The following CCDC181 variants were observed in gnomAD, a reference collection of about 807,000 sequenced individuals.
The protein encoded by CCDC181 is coiled-coil domain-containing protein 181.
In CCDC181, 35 loss-of-function variants were observed where a neutral mutation model predicts 58.7. That is an observed-to-expected ratio of 0.60 (90% CI 0.46 to 0.79). The LOEUF is 0.79. CCDC181 is among the 30% of genes least tolerant of loss of function. CCDC181 has a pLI of 0.00. For missense variants in CCDC181, 517 were observed against 583.9 expected (o/e 0.89, Z 1.18); for synonymous variants, 183 against 197.5 (o/e 0.93, Z 0.62).
upstream of CCDC181, among the ~76,000 whole-genome samples, chr1:169,429,173 A>G (rs542572439): frequency 4.0e-4 from 61 of 152,296 alleles, no homozygotes; most frequent in South Asian, 0.011. Context: ...CATGGTATGT[A>G]TATGTACCAC....
intron 3 of CCDC181, among the ~76,000 whole-genome samples, chr1:169,420,910 A>G (rs564701674): frequency 1.3e-5 from 2 of 152,354 alleles, no homozygotes; most frequent in South Asian, 4.1e-4. Flanking sequence ...CCTGGAAATA[A>G]AAGAATTGTA....
intron 4 of CCDC181, among the ~76,000 whole-genome samples, chr1:169,407,259 A>C (rs1193363126): frequency 6.6e-6 from 1 of 152,184 alleles, no homozygotes; most frequent in African/African-American, 2.4e-5. Context: ...TATTATATAC[A>C]CCAGAACAAT....
rs1191238021 is a variant in CCDC181 at position 169,397,327 on chromosome 1, A to T, written c.1280T>A (p.Met427Lys). ...LWLKKKHEEQ[M>K]KERQTEELRK... The stretch of plus-strand genomic sequence containing the variant: ...TAGTTCTTCTGTCTGTCTTTCTTTC[A>T]TCTGCTCTTCGTGCTTTTTTTTAAG... The change falls in exon 5 of 6, where the codon ATG becomes AAG. Residue 427 changes from methionine to lysine, a missense_variant. Met to Lys is a moderately conservative substitution (Grantham distance 95). Coordinates refer to ENST00000367806, the MANE Select transcript of CCDC181 (RefSeq NM_001300969.2). The T allele has an allele frequency of 6.2e-7, 1 of 1,611,454 alleles. No individual in the cohort carries two copies. The highest frequency in any genetic ancestry group is 8.5e-7 in the Non-Finnish European group (1 of 1,178,976).
At chr1:169,431,879 G>GT (rs1656929576), upstream of CCDC181, among the ~76,000 whole-genome samples, 1 of 152,132 alleles carries the variant, frequency 6.6e-6, no homozygotes. Flanking sequence ...CCCCACCATT[G>GT]TAAGCTTTTA....
chr1:169,447,908 A>C lies in CCDC181; in HGVS notation c.-24+11889T>G, dbSNP rs891672648. Among the ~76,000 whole-genome samples the C allele has an allele frequency of 3.9e-5, 6 of 152,156 alleles. No homozygotes were observed. In the South Asian group the frequency reaches 8.3e-4, roughly 21 times the overall value. On this transcript the variant is annotated intron_variant, in intron 2 of 6. Transcript: ENST00000545005. ...TCATATTTAAAGTGGGCTTTTTGTA[A>C]CATTGTTACTTTTTTCATATCTTTT...
At chr1:169,443,401 G>A (rs981860690) in intron 2 of CCDC181, 3 of 151,960 alleles carry the variant, frequency 2.0e-5, no homozygotes, top group Admixed American at 6.6e-5. Context: ...TCTTGTGATC[G>A]ACCTTAACTG....
chr1:169,402,500 T>C (rs1160201443), intron 4 of CCDC181, among the ~76,000 whole-genome samples: 1 of 152,144 alleles, frequency 6.6e-6, no homozygotes, highest in Non-Finnish European at 1.5e-5. Flanking sequence ...GGGGCCAATA[T>C]TCAACATTCT....
intron 4 of CCDC181, among the ~76,000 whole-genome samples, chr1:169,401,631 C>T (rs558155699): frequency 6.6e-6 from 1 of 152,258 alleles, no homozygotes; most frequent in Non-Finnish European, 1.5e-5. Flanking sequence ...AGGACATCCA[C>T]ACCAAAACCC....
At chr1:169,439,050 AC>A (rs994736672) in intron 2 of CCDC181, among the ~76,000 whole-genome samples, 1 of 151,026 alleles carries the variant, frequency 6.6e-6, no homozygotes, top group Non-Finnish European at 1.5e-5. Context: ...GCCAACTGAG[AC>A]CCCCCCAGGA....
intron 4 of CCDC181, among the ~76,000 whole-genome samples, chr1:169,413,724 A>G (rs1656084286): frequency 6.6e-6 from 1 of 152,202 alleles, no homozygotes; most frequent in African/African-American, 2.4e-5. Context: ...TTGCAGGGAC[A>G]TCAATGAAGC....
intron 3 of CCDC181, 67 bp from the exon 4 acceptor site, chr1:169,419,226 G>A (rs779625470): frequency 3.5e-6 from 5 of 1,429,858 alleles, no homozygotes; most frequent in Non-Finnish European, 3.7e-6. Context: ...TCAGAGTAGA[G>A]AGATATATTT....
intron 2 of CCDC181, among the ~76,000 whole-genome samples, chr1:169,432,640 A>C (rs1295079886): frequency 2.0e-5 from 3 of 152,150 alleles, no homozygotes; most frequent in Non-Finnish European, 2.9e-5. Flanking sequence ...AGCATATTAC[A>C]AAGATACTGC....
intron 4 of CCDC181, among the ~76,000 whole-genome samples, chr1:169,411,436 C>A (rs1406369874): frequency 6.6e-6 from 1 of 152,154 alleles, no homozygotes; most frequent in African/African-American, 2.4e-5. Context: ...CAGACAGATT[C>A]ACAGCTGAAT....
chr1:169,407,905 C>T (rs761597437), intron 4 of CCDC181, among the ~76,000 whole-genome samples: 1 of 152,188 alleles, frequency 6.6e-6, no homozygotes, highest in Non-Finnish European at 1.5e-5. Flanking sequence ...TGCCCAAATA[C>T]CACCCCTTTC....
rs1253160502 is a variant in CCDC181, at chr1:169,422,272, T to C, written c.159A>G (p.Lys53=). 1 of 1,589,756 alleles carries C rather than the reference T, an allele frequency of 6.3e-7. No individual in the cohort carries two copies. Among genetic ancestry groups the C allele is most frequent in the Non-Finnish European group, 8.6e-7 (1 of 1,162,384 alleles). Residue 53 remains lysine, a synonymous_variant, in exon 3 of 6, where the codon AAA becomes AAG. Coordinates refer to ENST00000367806, the MANE Select transcript of CCDC181 (RefSeq NM_001300969.2). The part of the protein sequence containing the change: ...EKEENINQDL[K]ENETVMEHTK... ...TGTGCTCCATTACTGTCTCATTCTC[T>C]TTTAAGTCTTGGTTAATATTCTCTT...
At chr1:169,402,485 G>C (rs1655407686) in intron 4 of CCDC181, among the ~76,000 whole-genome samples, 1 of 152,174 alleles carries the variant, frequency 6.6e-6, no homozygotes, top group Non-Finnish European at 1.5e-5. Flanking sequence ...AGCCAGAAGA[G>C]AGTGGGGGCC....
chr1:169,438,139 G>A (rs1379254282), intron 2 of CCDC181, among the ~76,000 whole-genome samples: 1 of 151,970 alleles, frequency 6.6e-6, no homozygotes, highest in Non-Finnish European at 1.5e-5. Flanking sequence ...ATTATATAAA[G>A]ACAAATTTTT....
upstream of CCDC181, among the ~76,000 whole-genome samples, chr1:169,429,709 T>C (rs190129543): frequency 2.3e-4 from 35 of 152,320 alleles, no homozygotes; most frequent in South Asian, 2.7e-3. Context: ...TATTAGTCCT[T>C]AGTTAGATGC....
At position 169,412,936 on chromosome 1, in the gene CCDC181, G is replaced by A. The variant is rs576656595; in HGVS notation, c.1215+6077C>T. 3.3e-5 allele frequency among the ~76,000 whole-genome samples: 5 copies of A among 152,260 alleles called. No individual in the cohort carries two copies. In the South Asian group the frequency reaches 1.0e-3, roughly 32 times the overall value. Reference sequence around the variant, plus strand: ...CATAAAAACCCTAGAAGAAAACCTAGGCAATACCATTCAGGACACAGGCAT... The same window carrying A: ...CATAAAAACCCTAGAAGAAAACCTAAGCAATACCATTCAGGACACAGGCAT... On this transcript the variant is annotated intron_variant, in intron 4 of 5. Coordinates refer to ENST00000367806, the MANE Select transcript of CCDC181 (RefSeq NM_001300969.2).
Sources: allele counts gnomAD v4.1 joint callset (sites outside exome capture counted in the v4.1 genomes callset), GRCh38; gene constraint gnomAD v4.1.1; transcripts MANE v1.5; gene names NCBI Gene and HGNC (gene_info 2026-07-23, HGNC 2026-07-21).